The following ANKDD1A variants were observed in gnomAD, a reference collection of about 807,000 sequenced individuals.
ANKDD1A encodes the protein ankyrin repeat and death domain-containing protein 1A.
In ANKDD1A, 59 loss-of-function variants were observed where a neutral mutation model predicts 63.5. The observed-to-expected ratio is 0.93, with a 90% CI of 0.75 to 1.15. The LOEUF (loss-of-function observed/expected upper bound fraction) is 1.15. Ranked by LOEUF, ANKDD1A falls within the 50% of genes most tolerant of loss-of-function variation. The probability of loss-of-function intolerance (pLI) is 0.00; values close to 1 mark genes in which losing one functional copy is unlikely to be tolerated. For missense variants in ANKDD1A, 632 were observed against 656.4 expected (o/e 0.96, Z 0.41); for synonymous variants, 266 against 263.9 (o/e 1.01, Z -0.08).
intron 12 of ANKDD1A, among the ~76,000 whole-genome samples, chr15:64,946,386 A>G (rs1444237059): frequency 6.6e-6 from 1 of 152,232 alleles, no homozygotes; most frequent in Non-Finnish European, 1.5e-5. Flanking sequence ...AGTAGGAATC[A>G]TAAGATGTTC....
In ANKDD1A at chr15:64,931,049, A is replaced by T. The variant is rs960202563; in HGVS notation, c.669+129A>T. ...GGGCATGATCTCGAACTGAGAGCCC[A>T]CCAGGGAAAGACAAGCAGCAGCACT... On this transcript the variant is annotated intron_variant, in intron 7 of 14. Coordinates refer to ENST00000319580, the MANE Select transcript of ANKDD1A (RefSeq NM_182703.6). The T allele has an allele frequency of 7.3e-5, 69 of 942,122 alleles. No individual in the cohort carries two copies. In the Admixed American group the frequency reaches 1.7e-3, roughly 24 times the overall value. 58.4% of individuals were successfully genotyped at this position (942,122 alleles called of 1,614,324 possible).
chr15:64,947,194 A>G (rs1338755498), intron 12 of ANKDD1A, among the ~76,000 whole-genome samples: 2 of 152,154 alleles, frequency 1.3e-5, no homozygotes, highest in African/African-American at 2.4e-5. Context: ...CGGGTGGAAG[A>G]ACAGTGGGAG....
intron 9 of ANKDD1A, among the ~76,000 whole-genome samples, chr15:64,939,014 T>C (rs894925901): frequency 6.6e-6 from 1 of 151,866 alleles, no homozygotes; most frequent in African/African-American, 2.4e-5. Flanking sequence ...TCAATTGACA[T>C]TGTCTCATTA....
chr15:64,927,517 C>T (rs774152853), intron 6 of ANKDD1A, among the ~76,000 whole-genome samples: 26 of 151,686 alleles, frequency 1.7e-4, no homozygotes, highest in Admixed American at 3.3e-4. Context: ...GGGTAAGGGA[C>T]GGGGACCAGA....
At chr15:64,913,019 G>A (rs541292543) in intron 1 of ANKDD1A, among the ~76,000 whole-genome samples, 5 of 152,250 alleles carry the variant, frequency 3.3e-5, no homozygotes, top group South Asian at 4.1e-4. Flanking sequence ...AGAGGGTGCC[G>A]GATGGGAGGT....
chr15:64,934,098 G>A (rs1180598408), intron 8 of ANKDD1A, 38 bp from the exon 9 acceptor site: 1 of 1,559,860 alleles, frequency 6.4e-7, no homozygotes. Flanking sequence ...AGTAGGAGGG[G>A]TCCTTGTGAT....
chr15:64,953,177 TTTTTC>T (rs2085333306), intron 14 of ANKDD1A, among the ~76,000 whole-genome samples: 3 of 136,204 alleles, frequency 2.2e-5, no homozygotes, highest in African/African-American at 5.3e-5. Flanking sequence ...TCTTTTCTTC[TTTTTC>T]TTCTTCCTCT....
At position 64,940,394 on chromosome 15, in the gene ANKDD1A, T is replaced by A. The variant is rs548864274; in HGVS notation, c.868-2073T>A. 5.0e-3 allele frequency among the ~76,000 whole-genome samples: 468 copies of A among 93,044 alleles called. 4 individuals are homozygous for A. Among genetic ancestry groups the A allele is most frequent in the African/African-American group, 0.014 (390 of 27,800 alleles). 61.0% of individuals were successfully genotyped at this position (93,044 alleles called of 152,430 possible). On this transcript the variant is annotated intron_variant, in intron 9 of 14. Coordinates refer to ENST00000319580, the MANE Select transcript of ANKDD1A (RefSeq NM_182703.6). ...CCATCCATGGTGGGGATAGGATGAT[T>A]GATAGATAGATAGATAGATAGATAG...
Position 64,947,579 on chromosome 15 carries a change from A to T in ANKDD1A, c.1337A>T (p.Glu446Val). The T allele has an allele frequency of 1.9e-6, 3 of 1,614,024 alleles. No homozygotes were observed. The highest frequency in any genetic ancestry group is 2.5e-6 in the Non-Finnish European group (3 of 1,179,990). Residue 446 changes from glutamate to valine, a missense_variant, in exon 13 of 15, where the codon GAG becomes GTG. Physicochemically the swap from Glu to Val is moderately radical, Grantham distance 121. Transcript: ENST00000319580. The part of the protein sequence containing the change: ...EFTEAHVDAI[E>V]QQWTGTRSYQ... ...ACGGAGGCACATGTCGACGCCATCG[A>T]GCAACAGTGGACAGGTACCACCTTG...
intron 9 of ANKDD1A, among the ~76,000 whole-genome samples, chr15:64,936,989 A>C (rs924336312): frequency 6.6e-6 from 1 of 152,252 alleles, no homozygotes; most frequent in African/African-American, 2.4e-5. Flanking sequence ...AATTAATACT[A>C]CATGGAGATA....
intron 14 of ANKDD1A, chr15:64,951,336 C>G: frequency 1.5e-6 from 1 of 655,456 alleles, no homozygotes; most frequent in Non-Finnish European, 1.8e-6. Flanking sequence ...TCCTCTTTTT[C>G]TTTCTTCTTT....
chr15:64,954,366 T>C (rs558823724), intron 14 of ANKDD1A, among the ~76,000 whole-genome samples: 60 of 27,508 alleles, frequency 2.2e-3, no homozygotes, highest in Admixed American at 0.015. Flanking sequence ...TTCTTCTCCT[T>C]CTTCTTCCTT....
In ANKDD1A at chr15:64,931,522, A is replaced by G; in HGVS notation, c.705A>G (p.Gly235=). ...CTGCCCTGCATTCGGCTGCTGGAGG[A>G]TCCCACCCTGACTGTGTGCAGCTCC... ...GLTALHSAAG[G]SHPDCVQLLL... The change falls in exon 8 of 15, where the codon GGA becomes GGG. Residue 235 remains glycine, a synonymous_variant. Transcript: ENST00000319580. 7.4e-6 allele frequency: 12 copies of G among 1,613,952 alleles called. No individual in the cohort carries two copies. The highest frequency in any genetic ancestry group is 9.3e-6 in the Non-Finnish European group (11 of 1,179,990).
intron 1 of ANKDD1A, among the ~76,000 whole-genome samples, chr15:64,912,322 T>A (rs2084937751): frequency 6.6e-6 from 1 of 152,206 alleles, no homozygotes; most frequent in Non-Finnish European, 1.5e-5. Context: ...GGGTAGGACA[T>A]TATGTTATCT....
intron 10 of ANKDD1A, chr15:64,943,228 G>T: frequency 2.5e-6 from 1 of 402,374 alleles, no homozygotes; most frequent in Non-Finnish European, 4.4e-6. Flanking sequence ...ACAAAAATAG[G>T]CTAGTATGGA....
intron 4 of ANKDD1A, among the ~76,000 whole-genome samples, chr15:64,925,606 T>G (rs2085040398): frequency 6.6e-6 from 1 of 152,174 alleles, no homozygotes; most frequent in Non-Finnish European, 1.5e-5. Context: ...AGCAGCTGTA[T>G]CAAGGAAGGC....
At position 64,951,338 on chromosome 15, in the gene ANKDD1A, T is replaced by TC. The variant is rs2085270287; in HGVS notation, c.1483+1366_1483+1367insC. ...CTTCTTTCTTCTTTCCTCTTTTTCTTTCTTCTTTCCTCTTCTTTCTTCTTC... is the reference window on the plus strand; with the variant it reads ...CTTCTTTCTTCTTTCCTCTTTTTCTTCTCTTCTTTCCTCTTCTTTCTTCTTC... On this transcript the variant is annotated intron_variant, in intron 14 of 14. Coordinates refer to ENST00000319580, the MANE Select transcript of ANKDD1A (RefSeq NM_182703.6). The TC allele has an allele frequency of 5.4e-5, 38 of 701,940 alleles. 1 individual carries two copies. In the South Asian group the frequency reaches 8.6e-4, roughly 16 times the overall value. The allele number at this position is 701,940 out of a possible 1,614,324, so 43.5% of individuals were successfully genotyped here. A position where few individuals can be genotyped will look rare whatever the true frequency, so the allele number is the denominator to read the frequency against.
At chr15:64,943,449 TTTTC>T (rs1272846268) in intron 10 of ANKDD1A, 31 bp from the exon 11 acceptor site, 6 of 1,602,066 alleles carry the variant, frequency 3.7e-6, no homozygotes, top group Non-Finnish European at 4.3e-6. Flanking sequence ...CCCTACATGC[TTTTC>T]ACTTACCTAT....
chr15:64,919,520 G>T (rs182142673), intron 3 of ANKDD1A, among the ~76,000 whole-genome samples: 1 of 151,962 alleles, frequency 6.6e-6, no homozygotes, highest in South Asian at 2.1e-4. Flanking sequence ...GGCTCTATGC[G>T]AGATCCAACA....
Sources: gnomAD v4.1 joint callset for allele counts (sites outside exome capture counted in the v4.1 genomes callset) on GRCh38, gnomAD v4.1.1 for gene constraint, MANE v1.5 for transcripts, NCBI Gene and HGNC (gene_info 2026-07-23, HGNC 2026-07-21) for gene names.